Variants in ATP10B observed in about 807,000 individuals in gnomAD.
ATP10B encodes the protein ATPase phospholipid transporting 10B (putative).
Under a neutral mutation model 141.2 loss-of-function variants are expected in ATP10B, and 122 were observed. That is an observed-to-expected ratio of 0.86 (90% CI 0.75 to 1.00). The LOEUF (loss-of-function observed/expected upper bound fraction) is 1.00, where lower values mean the gene tolerates loss of function less well. Among genes scored for constraint, ATP10B ranks in the 50% least tolerant of loss-of-function variants. ATP10B has a pLI of 0.00. For synonymous variants in ATP10B, 685 were observed against 692.0 expected, an observed-to-expected ratio of 0.99 and a Z score of 0.16; for missense variants, 1,876 against 1,825.3, an observed-to-expected ratio of 1.03 and a Z score of -0.51.
the ATP10B span, among the ~76,000 whole-genome samples, chr5:160,868,001 G>A: frequency 6.6e-6 from 1 of 152,044 alleles, no homozygotes; most frequent in Non-Finnish European, 1.5e-5. Flanking sequence ...AAACTAAGGG[G>A]TAATATCACC....
rs751550639 is a variant in ATP10B, at chr5:160,649,200, G to T, written c.732C>A (p.Asn244Lys). The change falls in exon 8 of 26, where the codon AAC becomes AAA. Residue 244 changes from asparagine to lysine, a missense_variant. Transcript: ENST00000327245. ...AACCCTTAAATTTGTTGAGGTGGTTGTTGGGTTTCTCACACACGATGGTAT... is the reference window on the plus strand; with the variant it reads ...AACCCTTAAATTTGTTGAGGTGGTTTTTGGGTTTCTCACACACGATGGTAT... ...FHNTIVCEKP[N>K]NHLNKFKGYM... 1 of 1,613,804 alleles carries T rather than the reference G, an allele frequency of 6.2e-7. No individual in the cohort carries two copies. Among genetic ancestry groups the T allele is most frequent in the Non-Finnish European group, 8.5e-7 (1 of 1,179,870 alleles).
At chr5:160,823,001 C>CATATATATATATATATATATATACAT in intron 1 of ATP10B, among the ~76,000 whole-genome samples, 1 of 34,494 alleles carries the variant, frequency 2.9e-5, no homozygotes, top group African/African-American at 9.3e-5. Flanking sequence ...TATATATATA[C>CATATATATATATATATATATATACAT]ATATATATAT....
At chr5:160,732,585 A>G (rs540928120) in intron 2 of ATP10B, among the ~76,000 whole-genome samples, 1 of 152,278 alleles carries the variant, frequency 6.6e-6, no homozygotes, top group South Asian at 2.1e-4. Flanking sequence ...GTTCTTGGCA[A>G]CGTTGTCAAG....
the ATP10B span, among the ~76,000 whole-genome samples, chr5:160,898,779 A>G: frequency 2.0e-5 from 3 of 152,216 alleles, no homozygotes; most frequent in Admixed American, 2.0e-4. Flanking sequence ...GATAAAGAAA[A>G]TGTGGCACAT....
rs143047443 is a variant in ATP10B at position 160,614,477 on chromosome 5, C to G, written c.2653+1361G>C. On this transcript the variant is annotated intron_variant, in intron 17 of 25. Coordinates refer to ENST00000327245, the MANE Select transcript of ATP10B (RefSeq NM_025153.3). Reference sequence around the variant, plus strand: ...TGGGAAGGGAGAAAGGGATCAGGAGCCTGAATGGGATGACTTTCTGGTGGC... The same window carrying G: ...TGGGAAGGGAGAAAGGGATCAGGAGGCTGAATGGGATGACTTTCTGGTGGC... 2.6e-5 allele frequency: 4 copies of G among 152,246 alleles called. No individual in the cohort carries two copies. The East Asian group carries it at 7.8e-4, about 30-fold the overall frequency. The allele number at this position is 152,246 out of a possible 1,614,324, so 9.4% of individuals were successfully genotyped here.
At chr5:160,873,100 G>C in the ATP10B span, among the ~76,000 whole-genome samples, 4 of 138,388 alleles carry the variant, frequency 2.9e-5, no homozygotes, top group Admixed American at 3.1e-4. Context: ...TCTTTGGTTA[G>C]GTATATTCCT....
At chr5:160,896,349 T>C in the ATP10B span, among the ~76,000 whole-genome samples, 1 of 151,708 alleles carries the variant, frequency 6.6e-6, no homozygotes, top group South Asian at 2.1e-4. Flanking sequence ...CAATAAAAAA[T>C]GATAATGGGG....
intron 2 of ATP10B, among the ~76,000 whole-genome samples, chr5:160,736,920 T>C (rs574423819): frequency 6.6e-6 from 1 of 152,274 alleles, no homozygotes; most frequent in African/African-American, 2.4e-5. Flanking sequence ...AGGCCAATAT[T>C]ATGCTGATAC....
chr5:160,831,655 AG>A (rs1775088125), intron 1 of ATP10B, among the ~76,000 whole-genome samples: 1 of 152,120 alleles, frequency 6.6e-6, no homozygotes, highest in Non-Finnish European at 1.5e-5. Flanking sequence ...CCCATCTCTA[AG>A]CAAAAAGCCC....
intron 1 of ATP10B, among the ~76,000 whole-genome samples, chr5:160,844,730 G>A (rs942745258): frequency 5.9e-5 from 9 of 152,052 alleles, no homozygotes; most frequent in African/African-American, 2.2e-4. Context: ...ATTTTTAGTA[G>A]AGATGGGATT....
At chr5:160,832,867 T>A (rs1208380841) in intron 1 of ATP10B, among the ~76,000 whole-genome samples, 1 of 152,124 alleles carries the variant, frequency 6.6e-6, no homozygotes, top group East Asian at 1.9e-4. Context: ...CCAATTTTTA[T>A]CAATCTTTTA....
chr5:160,889,245 T>C, the ATP10B span, among the ~76,000 whole-genome samples: 1 of 152,172 alleles, frequency 6.6e-6, no homozygotes, highest in African/African-American at 2.4e-5. Flanking sequence ...ATGTTCCCCT[T>C]ACCCTTTGAC....
At chr5:160,625,626 C>T (rs998518630) in intron 13 of ATP10B, among the ~76,000 whole-genome samples, 4 of 152,178 alleles carry the variant, frequency 2.6e-5, no homozygotes, top group African/African-American at 7.2e-5. Flanking sequence ...GACTCCCATC[C>T]TCTTATAACA....
In ATP10B at chr5:160,785,715, A is replaced by G. The variant is rs779805699; in HGVS notation, c.-487T>C. ...TCATTATCTCCACTGAGTGAGATGAATAATAGGAAAAACTACTTACTCTTC... is the reference window on the plus strand; with the variant it reads ...TCATTATCTCCACTGAGTGAGATGAGTAATAGGAAAAACTACTTACTCTTC... On this transcript the variant is annotated 5_prime_UTR_variant, in exon 2 of 26. Transcript: ENST00000327245. The G allele has an allele frequency of 3.0e-5, 38 of 1,278,294 alleles. 1 individual carries two copies. The South Asian group carries it at 4.6e-4, about 15-fold the overall frequency. 79.2% of individuals were successfully genotyped at this position (1,278,294 alleles called of 1,614,324 possible).
intron 7 of ATP10B, among the ~76,000 whole-genome samples, chr5:160,667,720 C>G (rs1263525507): frequency 6.6e-6 from 1 of 152,122 alleles, no homozygotes. Context: ...TTTTACCTGA[C>G]TCTTCATTCC....
intron 14 of ATP10B, among the ~76,000 whole-genome samples, chr5:160,621,513 T>C (rs1421377330): frequency 6.6e-6 from 1 of 152,216 alleles, no homozygotes; most frequent in African/African-American, 2.4e-5. Flanking sequence ...CTTCCCCTCT[T>C]AAAAATGAAT....
intron 1 of ATP10B, among the ~76,000 whole-genome samples, chr5:160,809,471 T>C (rs1773004404): frequency 6.6e-6 from 1 of 152,222 alleles, no homozygotes; most frequent in African/African-American, 2.4e-5. Context: ...ACATATGCAA[T>C]ACATATGGTG....
intron 1 of ATP10B, among the ~76,000 whole-genome samples, chr5:160,794,853 T>C (rs560695880): frequency 7.2e-5 from 11 of 152,342 alleles, no homozygotes; most frequent in African/African-American, 2.6e-4. Flanking sequence ...GTTTATTTCA[T>C]TAATAGCAAT....
At chr5:160,682,754 T>A (rs1437564214) in intron 6 of ATP10B, among the ~76,000 whole-genome samples, 1 of 151,840 alleles carries the variant, frequency 6.6e-6, no homozygotes, top group Non-Finnish European at 1.5e-5. Flanking sequence ...AACGATGCTT[T>A]CTCGGCCGGG....
Sources: allele counts gnomAD v4.1 joint callset (sites outside exome capture counted in the v4.1 genomes callset), GRCh38; gene constraint gnomAD v4.1.1; transcripts MANE v1.5; gene names NCBI Gene and HGNC (gene_info 2026-07-23, HGNC 2026-07-21).